PCNX2: variants seen among roughly 807,000 people sequenced by gnomAD.
PCNX2 encodes pecanex 2, also known as pecanex-like protein 2.
In PCNX2, 168 loss-of-function variants were observed where a neutral mutation model predicts 223.8. The ratio of observed to expected loss-of-function variants is 0.75; its 90% CI spans 0.66 to 0.85. PCNX2 has a LOEUF of 0.85. Ranked by LOEUF, PCNX2 falls within the 40% of genes least tolerant of loss-of-function variation. The probability of loss-of-function intolerance (pLI) is 0.00; values close to 1 mark genes in which losing one functional copy is unlikely to be tolerated. For synonymous variants in PCNX2, 1,006 were observed against 1,052.6 expected (o/e 0.96, Z 0.86); for missense variants, 2,507 against 2,675.5 (o/e 0.94, Z 1.39).
intron 1 of PCNX2, among the ~76,000 whole-genome samples, chr1:233,281,696 T>C (rs1314400053): frequency 6.6e-6 from 1 of 152,212 alleles, no homozygotes; most frequent in East Asian, 1.9e-4. Flanking sequence ...GCAAGCCAAT[T>C]CCAAGAGTAA....
At position 233,295,508 on chromosome 1, in the gene PCNX2, C is replaced by T. The variant is rs754232735; in HGVS notation, c.-30G>A. 4.4e-5 allele frequency: 67 copies of T among 1,507,194 alleles called. 2 individuals carry two copies. The South Asian group carries it at 8.1e-4, about 18-fold the overall frequency. The allele number at this position is 1,507,194 out of a possible 1,614,324, so 93.4% of individuals were successfully genotyped here. A position where few individuals can be genotyped will look rare whatever the true frequency, so the allele number is the denominator to read the frequency against. On this transcript the variant is annotated 5_prime_UTR_variant, in exon 1 of 34. Transcript: ENST00000258229. The surrounding 1 kb of genome is among the most constrained non-coding windows in gnomAD (Gnocchi z 4.1). ...GCTGCGCCCCGGGGCTGGTGAGCGC[C>T]CCGCTGCACCCTGCGCGCCCCGGCC... is the stretch of plus-strand genomic sequence containing the variant.
chr1:233,027,889 C>T (rs1452523737), intron 25 of PCNX2, among the ~76,000 whole-genome samples: 2 of 152,220 alleles, frequency 1.3e-5, no homozygotes, highest in Non-Finnish European at 2.9e-5. Flanking sequence ...CTGCACATTT[C>T]TCTCTATGCA....
chr1:233,054,643 G>A (rs933030965), intron 24 of PCNX2, 160 bp from the exon 25 acceptor site: 1 of 614,966 alleles, frequency 1.6e-6, no homozygotes, highest in Non-Finnish European at 2.8e-6. Context: ...TGGATTATAT[G>A]AGACCCTCCA....
chr1:233,076,047 A>G (rs934896128), intron 23 of PCNX2, among the ~76,000 whole-genome samples: 1 of 152,246 alleles, frequency 6.6e-6, no homozygotes. Context: ...AAGTCAGCCA[A>G]CTGGGAAATT....
chr1:233,153,463 ATCAAGGTC>A (rs1257685826), intron 19 of PCNX2, among the ~76,000 whole-genome samples: 1 of 152,244 alleles, frequency 6.6e-6, no homozygotes, highest in African/African-American at 2.4e-5. Context: ...AAGAAATATA[ATCAAGGTC>A]TATACTACTG....
intron 13 of PCNX2, among the ~76,000 whole-genome samples, chr1:233,203,083 T>C (rs1291345131): frequency 2.6e-5 from 4 of 152,202 alleles, no homozygotes; most frequent in African/African-American, 9.7e-5. Flanking sequence ...CTGGCAGCAT[T>C]TTAAGGATCT....
At chr1:233,257,452 CAT>C (rs1485800816) in intron 5 of PCNX2, among the ~76,000 whole-genome samples, 2 of 152,184 alleles carry the variant, frequency 1.3e-5, no homozygotes, top group Admixed American at 6.5e-5. Flanking sequence ...GTTGGCAAAA[CAT>C]GTGTAAATGA....
At chr1:233,098,779 T>C (rs180797726) in intron 21 of PCNX2, among the ~76,000 whole-genome samples, 1 of 152,334 alleles carries the variant, frequency 6.6e-6, no homozygotes, top group African/African-American at 2.4e-5. Context: ...AAGGGCACGC[T>C]GCCTGAGTTT....
intron 1 of PCNX2, among the ~76,000 whole-genome samples, chr1:233,267,729 T>C (rs1660414849): frequency 6.6e-6 from 1 of 152,190 alleles, no homozygotes; most frequent in African/African-American, 2.4e-5. Flanking sequence ...TAATATTTCA[T>C]TGTATGGCTA....
At chr1:233,237,202 G>C (rs1431827479) in intron 8 of PCNX2, among the ~76,000 whole-genome samples, 1 of 152,136 alleles carries the variant, frequency 6.6e-6, no homozygotes, top group Non-Finnish European at 1.5e-5. Flanking sequence ...GGCTACCCAG[G>C]GTTGCAGTGT....
chr1:233,191,232 T>C (rs1346314806), intron 15 of PCNX2, among the ~76,000 whole-genome samples: 2 of 152,196 alleles, frequency 1.3e-5, no homozygotes, highest in Non-Finnish European at 2.9e-5. Flanking sequence ...GAGAAAGGAA[T>C]GTCTTTTCCT....
chr1:233,102,087 CTTTTTTTTT>C (rs201107797), intron 21 of PCNX2, among the ~76,000 whole-genome samples: 2 of 125,006 alleles, frequency 1.6e-5, no homozygotes, highest in Non-Finnish European at 3.4e-5. Context: ...ATTCATTTTT[CTTTTTTTTT>C]TTTTTTTTTG....
intron 24 of PCNX2, among the ~76,000 whole-genome samples, chr1:233,056,950 T>C: frequency 6.6e-6 from 1 of 152,200 alleles, no homozygotes. Context: ...GTTTATAGTC[T>C]GTGTTTGAGG....
At chr1:233,304,320 C>G in the PCNX2 span, among the ~76,000 whole-genome samples, 2 of 152,054 alleles carry the variant, frequency 1.3e-5, no homozygotes, top group Non-Finnish European at 2.9e-5. Context: ...TCTCACAGAA[C>G]ACAACTGAAA....
Position 233,177,880 on chromosome 1 carries a change from C to T in PCNX2, c.3195G>A (p.Arg1065=). 2 of 1,613,800 alleles carry T rather than the reference C, an allele frequency of 1.2e-6. No individual in the cohort carries two copies. Among genetic ancestry groups the T allele is most frequent in the Non-Finnish European group, 8.5e-7 (1 of 1,179,744 alleles). The change falls in exon 17 of 34, where the codon AGG becomes AGA. Residue 1065 remains arginine, a synonymous_variant. Coordinates refer to ENST00000258229, the MANE Select transcript of PCNX2 (RefSeq NM_014801.4). ...TTTGATGTAAAAATTTAGGAAACAG[C>T]CTGCATTGGATGAAGGACCTGAAAG... The part of the protein sequence containing the change: ...PSVLMSFIQC[R]LFPKFLHQNL...
rs1197007242 is a variant in PCNX2, at chr1:233,065,870, T to C, written c.4077-8580A>G. ...AGACAAATTCCTAGGCAGATAGGGG[T>C]GGGTCCCTGGTGAAACCCAACCTTC... On this transcript the variant is annotated intron_variant, in intron 23 of 33. Coordinates refer to ENST00000258229, the MANE Select transcript of PCNX2 (RefSeq NM_014801.4). 2.0e-5 allele frequency among the ~76,000 whole-genome samples: 3 copies of C among 152,082 alleles called. No homozygotes were observed. In the East Asian group the frequency reaches 5.8e-4, roughly 29 times the overall value.
intron 21 of PCNX2, among the ~76,000 whole-genome samples, chr1:233,133,030 C>T (rs577415469): frequency 8.0e-4 from 122 of 151,764 alleles, no homozygotes; most frequent in Non-Finnish European, 1.5e-3. Context: ...TCCTGAGTAG[C>T]TGAGGCTACA....
intron 1 of PCNX2, among the ~76,000 whole-genome samples, chr1:233,282,926 C>T (rs189768463): frequency 1.3e-5 from 2 of 151,930 alleles, no homozygotes; most frequent in Admixed American, 6.6e-5. Flanking sequence ...GATAGCATAA[C>T]CACAAAGATG....
intron 21 of PCNX2, among the ~76,000 whole-genome samples, chr1:233,131,057 A>T (rs1336801866): frequency 6.6e-6 from 1 of 152,162 alleles, no homozygotes; most frequent in African/African-American, 2.4e-5. Flanking sequence ...TGTGTCCTAT[A>T]TTTGGGCAGC....
Sources: gnomAD v4.1 joint callset for allele counts (sites outside exome capture counted in the v4.1 genomes callset) on GRCh38, gnomAD v4.1.1 for gene constraint, Gnocchi (gnomAD v3.1) non-coding constraint, MANE v1.5 for transcripts, NCBI Gene and HGNC (gene_info 2026-07-23, HGNC 2026-07-21) for gene names.